PBRM1: variants seen among roughly 807,000 people sequenced by gnomAD.
PBRM1 encodes protein polybromo-1.
PBRM1 carries 27 observed loss-of-function variants against 194.5 expected under a neutral mutation model. The ratio of observed to expected loss-of-function variants is 0.14; its 90% CI spans 0.10 to 0.19. PBRM1 has a LOEUF of 0.19. Ranked by LOEUF, PBRM1 falls within the 10% of genes least tolerant of loss-of-function variation. The pLI is 1.00. For synonymous variants in PBRM1, 655 were observed against 693.2 expected (o/e 0.94, Z 0.87); for missense variants, 1,466 against 2,077.2 (o/e 0.71, Z 5.72).
intron 13 of PBRM1, among the ~76,000 whole-genome samples, chr3:52,621,440 G>A (rs2095271390): frequency 6.6e-6 from 1 of 152,176 alleles, no homozygotes; most frequent in African/African-American, 2.4e-5. Flanking sequence ...TAGGATTACA[G>A]GCGTGAGCCA....
intron 17 of PBRM1, among the ~76,000 whole-genome samples, chr3:52,596,686 T>C (rs2093590855): frequency 6.6e-6 from 1 of 151,976 alleles, no homozygotes; most frequent in Admixed American, 6.6e-5. Context: ...CCCAGTGCCT[T>C]ATCCTACTGT....
intron 15 of PBRM1, among the ~76,000 whole-genome samples, chr3:52,612,142 C>A (rs1165393802): frequency 6.6e-6 from 1 of 151,394 alleles, no homozygotes; most frequent in Non-Finnish European, 1.5e-5. Flanking sequence ...CACCTGTAGT[C>A]CCAGCTACTT....
chr3:52,655,442 G>A (rs1428097521), intron 5 of PBRM1, among the ~76,000 whole-genome samples: 1 of 152,064 alleles, frequency 6.6e-6, no homozygotes, highest in East Asian at 1.9e-4. Context: ...GCCACTGTAT[G>A]TATATGTCAC....
intron 1 of PBRM1, chr3:52,685,377 G>A (rs1561224015): frequency 6.6e-6 from 1 of 151,962 alleles, no homozygotes; most frequent in East Asian, 1.9e-4. Flanking sequence ...GAACCGTCAA[G>A]AAACCACAAC....
chr3:52,628,838 T>C (rs527367351), intron 12 of PBRM1, 56 bp downstream of exon 13: 10 of 1,514,740 alleles, frequency 6.6e-6, no homozygotes. Flanking sequence ...ACTCAAAACA[T>C]GCAAAATTAT....
At chr3:52,680,313 A>G (rs1025088069), upstream of PBRM1, among the ~76,000 whole-genome samples, 1 of 152,300 alleles carries the variant, frequency 6.6e-6, no homozygotes, top group Admixed American at 6.5e-5. Flanking sequence ...AAAACCCTGA[A>G]AATGAATGTT....
At chr3:52,549,428 A>G (rs2080316958) in intron 29 of PBRM1, among the ~76,000 whole-genome samples, 1 of 152,150 alleles carries the variant, frequency 6.6e-6, no homozygotes, top group South Asian at 2.1e-4. Flanking sequence ...AGCCTCCCAA[A>G]GTGGGAGCCA....
intron 5 of PBRM1, among the ~76,000 whole-genome samples, chr3:52,657,301 C>T (rs2096624952): frequency 6.6e-6 from 1 of 152,076 alleles, no homozygotes. Flanking sequence ...TTTTATGATA[C>T]ATATCCTTTA....
intron 17 of PBRM1, among the ~76,000 whole-genome samples, chr3:52,600,164 T>C (rs2153269047): frequency 6.6e-6 from 1 of 152,312 alleles, no homozygotes; most frequent in Non-Finnish European, 1.5e-5. Context: ...AAGTTCTCTC[T>C]TTTTATCTAT....
At chr3:52,617,532 C>CTTT (rs776542921) in exon 14 of PBRM1, 1 of 1,604,974 alleles carries the variant, frequency 6.2e-7, no homozygotes, top group Non-Finnish European at 8.5e-7. Flanking sequence ...TTCTTATGTT[C>CTTT]TTTTTACTGT....
intron 13 of PBRM1, among the ~76,000 whole-genome samples, chr3:52,620,156 C>T (rs2095206969): frequency 6.6e-6 from 1 of 152,164 alleles, no homozygotes; most frequent in South Asian, 2.1e-4. Flanking sequence ...GTGGATAATA[C>T]AAGGGAAGTT....
intron 5 of PBRM1, among the ~76,000 whole-genome samples, chr3:52,652,299 G>A (rs969804459): frequency 1.3e-5 from 2 of 151,402 alleles, no homozygotes; most frequent in Non-Finnish European, 2.9e-5. Context: ...CAAGAGGATC[G>A]CTTGAACCTG....
At chr3:52,607,003 T>C (rs2094382559) in intron 16 of PBRM1, among the ~76,000 whole-genome samples, 1 of 152,188 alleles carries the variant, frequency 6.6e-6, no homozygotes, top group South Asian at 2.1e-4. Flanking sequence ...CAGTGGTGGG[T>C]AGGGGTAGGG....
chr3:52,651,884 A>G, intron 5 of PBRM1, 74 bp from the exon 7 acceptor site: 1 of 978,174 alleles, frequency 1.0e-6, no homozygotes, highest in Non-Finnish European at 1.6e-6. Context: ...AAGTACATTG[A>G]CAATCTGTTG....
intron 17 of PBRM1, 115 bp downstream of exon 19, chr3:52,603,406 A>G: frequency 9.7e-7 from 1 of 1,033,512 alleles, no homozygotes; most frequent in Non-Finnish European, 1.4e-6. Flanking sequence ...ACTCTAATAT[A>G]GTCAATACCC....
intron 17 of PBRM1, among the ~76,000 whole-genome samples, chr3:52,602,440 C>G (rs979509074): frequency 7.9e-5 from 12 of 152,192 alleles, no homozygotes; most frequent in African/African-American, 2.9e-4. Flanking sequence ...TTTCAAGTAT[C>G]CTTTGGATTC....
chr3:52,651,360 A>C (rs2153806620), intron 6 of PBRM1, among the ~76,000 whole-genome samples: 1 of 152,310 alleles, frequency 6.6e-6, no homozygotes, highest in South Asian at 2.1e-4. Context: ...AAGCAGATAA[A>C]AATAAACAAC....
Position 52,646,512 on chromosome 3 carries a change from G to T in PBRM1, c.814-1723C>A, listed in dbSNP as rs2096292788. Among the ~76,000 whole-genome samples, 3 of 152,088 alleles carry T rather than the reference G, an allele frequency of 2.0e-5. No individual in the cohort carries two copies. The South Asian group carries it at 6.2e-4, about 31-fold the overall frequency. ...ATAAGTCAATATTTAACTAAAAAAT[G>T]GATTCAAAACTAACCAAGTCTGGCA... On this transcript the variant is annotated intron_variant, in intron 7 of 29. Coordinates refer to ENST00000296302, the Ensembl canonical transcript of PBRM1.
intron 14 of PBRM1, among the ~76,000 whole-genome samples, chr3:52,615,730 C>A (rs2094917558): frequency 6.6e-6 from 1 of 152,090 alleles, no homozygotes; most frequent in South Asian, 2.1e-4. Context: ...CAGGTTTTAA[C>A]AAAAGTCCTG....
Sources: gnomAD v4.1 joint callset for allele counts (sites outside exome capture counted in the v4.1 genomes callset) on GRCh38, gnomAD v4.1.1 for gene constraint, MANE v1.5 for transcripts, NCBI Gene and HGNC (gene_info 2026-07-23, HGNC 2026-07-21) for gene names.